RNF214: variants seen among roughly 807,000 people sequenced by gnomAD.
RNF214 encodes the protein ring finger protein 214.
Under a neutral mutation model 75.9 loss-of-function variants are expected in RNF214, and 25 were observed. That is an observed-to-expected ratio of 0.33 (90% CI 0.24 to 0.46). The LOEUF is 0.46. RNF214 is among the 20% of genes least tolerant of loss of function. The pLI is 1.00. For missense variants in RNF214, 725 were observed against 857.5 expected (o/e 0.85, Z 1.93); for synonymous variants, 314 against 308.8 (o/e 1.02, Z -0.18).
At position 117,247,750 on chromosome 11, in the gene RNF214, C is replaced by G. The variant is rs574717851; in HGVS notation, c.959+802C>G. On this transcript the variant is annotated intron_variant, in intron 6 of 14. Transcript: ENST00000300650. ...CCTGTAGTCTCAGCTACTCGGGAAG[C>G]TGAGGCAGGGGAATCGCTTGAATCC... is the stretch of plus-strand genomic sequence containing the variant. 5.9e-5 allele frequency among the ~76,000 whole-genome samples: 9 copies of G among 151,482 alleles called. No homozygotes were observed. The South Asian group carries it at 1.9e-3, about 32-fold the overall frequency.
intron 1 of RNF214, among the ~76,000 whole-genome samples, chr11:117,233,848 G>T (rs2032817212): frequency 2.0e-5 from 3 of 152,220 alleles, no homozygotes; most frequent in Admixed American, 6.5e-5. Context: ...TGCTTTGAAT[G>T]TAACAGCCAT....
intron 14 of RNF214, among the ~76,000 whole-genome samples, chr11:117,284,394 G>A (rs2034198474): frequency 1.3e-5 from 2 of 152,182 alleles, no homozygotes; most frequent in African/African-American, 4.8e-5. Context: ...CCAAGAGGTA[G>A]AAACTGAATT....
At chr11:117,270,120 A>G (rs1028850674) in intron 6 of RNF214, among the ~76,000 whole-genome samples, 5 of 151,960 alleles carry the variant, frequency 3.3e-5, no homozygotes, top group African/African-American at 1.2e-4. Flanking sequence ...AATTCCAAAG[A>G]TAATCCCTCT....
chr11:117,240,455 A>G (rs2033044598), intron 4 of RNF214, among the ~76,000 whole-genome samples: 1 of 151,704 alleles, frequency 6.6e-6, no homozygotes, highest in African/African-American at 2.4e-5. Flanking sequence ...TGGGAGGCCA[A>G]GGCAGGTGGA....
intron 6 of RNF214, among the ~76,000 whole-genome samples, chr11:117,266,548 CAG>C (rs911052233): frequency 5.3e-5 from 8 of 152,068 alleles, no homozygotes; most frequent in East Asian, 3.9e-4. Context: ...TGTTCAGAGA[CAG>C]GGGTTTGCCA....
In RNF214 at chr11:117,285,893, G is replaced by C. The variant is rs906232510; in HGVS notation, c.*742G>C. On this transcript the variant is annotated 3_prime_UTR_variant, in exon 15 of 15. Coordinates refer to ENST00000300650, the MANE Select transcript of RNF214 (RefSeq NM_207343.4). ...GGACAGAAATTAGCACAACCCACAG[G>C]TTTTTCCTGGGCCAAGTCTTCCTTT... 1.3e-5 allele frequency: 2 copies of C among 152,560 alleles called. No homozygotes were observed. Among genetic ancestry groups the C allele is most frequent in the Non-Finnish European group, 2.9e-5 (2 of 68,034 alleles). 9.5% of individuals were successfully genotyped at this position (152,560 alleles called of 1,614,324 possible). A position where few individuals can be genotyped will look rare whatever the true frequency, so the allele number is the denominator to read the frequency against.
At chr11:117,263,322 C>A (rs2033717215) in intron 6 of RNF214, among the ~76,000 whole-genome samples, 2 of 151,708 alleles carry the variant, frequency 1.3e-5, no homozygotes. Context: ...GCTGTGTTGG[C>A]TGGAGTGCAG....
At chr11:117,257,741 G>T (rs1324956163) in intron 6 of RNF214, among the ~76,000 whole-genome samples, 1 of 152,184 alleles carries the variant, frequency 6.6e-6, no homozygotes, top group Non-Finnish European at 1.5e-5. Context: ...AAATAGTTTA[G>T]AATAGTAGTA....
chr11:117,255,418 C>T (rs984795097), intron 6 of RNF214, among the ~76,000 whole-genome samples: 5 of 152,206 alleles, frequency 3.3e-5, no homozygotes, highest in African/African-American at 1.2e-4. Flanking sequence ...TTAGCCCTTT[C>T]CATCACATGC....
chr11:117,266,131 C>A (rs2033790792), intron 6 of RNF214, among the ~76,000 whole-genome samples: 1 of 152,112 alleles, frequency 6.6e-6, no homozygotes, highest in African/African-American at 2.4e-5. Flanking sequence ...ATTATGGCTC[C>A]TGTTTGTAAT....
At chr11:117,238,470 A>G in intron 2 of RNF214, 131 bp from the exon 3 acceptor site, 1 of 833,718 alleles carries the variant, frequency 1.2e-6, no homozygotes, top group South Asian at 1.7e-5. Flanking sequence ...CATACAGGAT[A>G]GAAATCATTG....
chr11:117,247,667 A>G lies in RNF214; in HGVS notation c.959+719A>G, dbSNP rs141099969. On this transcript the variant is annotated intron_variant, in intron 6 of 14. Transcript: ENST00000300650. ...GGAGATCGAGACCATCCTGGCCAAT[A>G]TGGTGAAACCCCATCTCTACTAAAA... Among the ~76,000 whole-genome samples, 748 of 152,194 alleles carry G rather than the reference A, an allele frequency of 4.9e-3. 9 individuals carry two copies. Among genetic ancestry groups the G allele is most frequent in the African/African-American group, 0.016 (668 of 41,514 alleles).
At chr11:117,280,421 C>T (rs752995892) in intron 8 of RNF214, among the ~76,000 whole-genome samples, 162 bp downstream of exon 8, 6 of 152,188 alleles carry the variant, frequency 3.9e-5, no homozygotes, top group Non-Finnish European at 8.8e-5. Flanking sequence ...GTGGTTTTTC[C>T]TCTCACATTC....
intron 6 of RNF214, among the ~76,000 whole-genome samples, chr11:117,266,337 C>G (rs900799783): frequency 1.3e-5 from 2 of 152,012 alleles, no homozygotes; most frequent in Non-Finnish European, 2.9e-5. Context: ...CGTCCTTCAC[C>G]AAACTTATGA....
chr11:117,267,892 G>A (rs1254615998), intron 6 of RNF214, among the ~76,000 whole-genome samples: 1 of 152,106 alleles, frequency 6.6e-6, no homozygotes, highest in African/African-American at 2.4e-5. Context: ...AAATCTTCTT[G>A]CATCCCAGAA....
intron 6 of RNF214, among the ~76,000 whole-genome samples, chr11:117,273,544 A>C (rs1340157152): frequency 6.6e-6 from 1 of 152,202 alleles, no homozygotes; most frequent in African/African-American, 2.4e-5. Context: ...TTAAACTGAC[A>C]AAATGTTATA....
At chr11:117,254,054 G>C (rs2033463069) in intron 6 of RNF214, among the ~76,000 whole-genome samples, 1 of 152,114 alleles carries the variant, frequency 6.6e-6, no homozygotes, top group Non-Finnish European at 1.5e-5. Flanking sequence ...AGGAGTTGGA[G>C]ACCAGCCTGG....
rs992747416 is a variant in RNF214 at position 117,271,809 on chromosome 11, TG to T, written c.960-8098del. Among the ~76,000 whole-genome samples the T allele has an allele frequency of 5.3e-5, 8 of 152,208 alleles. No individual in the cohort carries two copies. The East Asian group carries it at 1.3e-3, about 26-fold the overall frequency. ...CAAAATGACAGAACAAAGTTTGAGG[TG>T]TTTTTTTGTTGTTGTTGTATTTTGT... On this transcript the variant is annotated intron_variant, in intron 6 of 14. Coordinates refer to ENST00000300650, the MANE Select transcript of RNF214 (RefSeq NM_207343.4).
chr11:117,266,994 G>T (rs1391571074), intron 6 of RNF214, among the ~76,000 whole-genome samples: 2 of 146,972 alleles, frequency 1.4e-5, no homozygotes, highest in African/African-American at 2.5e-5. Flanking sequence ...AAAAAAAAAG[G>T]TTGGGGGCCA....
Sources: allele counts gnomAD v4.1 joint callset (sites outside exome capture counted in the v4.1 genomes callset), GRCh38; gene constraint gnomAD v4.1.1; transcripts MANE v1.5; gene names NCBI Gene and HGNC (gene_info 2026-07-23, HGNC 2026-07-21).